SND1: variants seen among roughly 807,000 people sequenced by gnomAD.
SND1 encodes staphylococcal nuclease domain-containing protein 1.
SND1 carries 38 observed loss-of-function variants against 121.7 expected under a neutral mutation model. That is an observed-to-expected ratio of 0.31 (90% CI 0.24 to 0.41). The LOEUF (loss-of-function observed/expected upper bound fraction) is 0.41. Among genes scored for constraint, SND1 ranks in the 10% least tolerant of loss-of-function variants. The probability of loss-of-function intolerance (pLI) is 1.00; values close to 1 mark genes in which losing one functional copy is unlikely to be tolerated. For synonymous variants in SND1, 401 were observed against 447.4 expected, an observed-to-expected ratio of 0.90 and a Z score of 1.31; for missense variants, 868 against 1,184.6, an observed-to-expected ratio of 0.73 and a Z score of 3.92.
intron 14 of SND1, among the ~76,000 whole-genome samples, chr7:127,924,334 G>A (rs1800788717): frequency 2.0e-5 from 3 of 152,130 alleles, no homozygotes; most frequent in African/African-American, 4.8e-5. Context: ...GAACTAATTC[G>A]TGATCTTCAT....
chr7:127,798,061 T>TA (rs1182761652), intron 10 of SND1, among the ~76,000 whole-genome samples: 1 of 152,200 alleles, frequency 6.6e-6, no homozygotes, highest in African/African-American at 2.4e-5. Flanking sequence ...TTTTTTTTCT[T>TA]ACATGATGGT....
At chr7:127,706,218 A>ATT (rs11404711) in intron 8 of SND1, among the ~76,000 whole-genome samples, 36 of 140,162 alleles carry the variant, frequency 2.6e-4, no homozygotes, top group African/African-American at 2.4e-4. Flanking sequence ...AATTAATTTG[A>ATT]TTTTTTTTGC....
chr7:127,922,216 A>G (rs1800734874), intron 14 of SND1, among the ~76,000 whole-genome samples: 2 of 40,320 alleles, frequency 5.0e-5, no homozygotes, highest in African/African-American at 9.2e-5. Context: ...TTTGTGAGGC[A>G]AGATCCCACT....
chr7:127,923,327 TG>T (rs979084179), intron 14 of SND1, among the ~76,000 whole-genome samples: 1 of 152,146 alleles, frequency 6.6e-6, no homozygotes, highest in African/African-American at 2.4e-5. Flanking sequence ...TTTTTTTGTT[TG>T]GGGGTTTGTT....
intron 2 of SND1, 88 bp from the exon 3 acceptor site, chr7:127,694,740 C>T: frequency 6.7e-7 from 1 of 1,500,908 alleles, no homozygotes; most frequent in Non-Finnish European, 9.2e-7. Context: ...GGTACTCAGA[C>T]ATTTACTGAA....
intron 13 of SND1, chr7:127,904,256 A>T (rs898697528): frequency 6.6e-6 from 1 of 152,482 alleles, no homozygotes. Flanking sequence ...CTACTGTTAC[A>T]TGACTTTTCT....
intron 13 of SND1, among the ~76,000 whole-genome samples, chr7:127,894,049 A>G (rs967589701): frequency 3.9e-5 from 6 of 152,094 alleles, no homozygotes; most frequent in Non-Finnish European, 8.8e-5. Context: ...CATTTCTGTC[A>G]CAGACTTTAG....
chr7:128,072,670 C>T (rs543806293), intron 16 of SND1, among the ~76,000 whole-genome samples: 138 of 152,174 alleles, frequency 9.1e-4, no homozygotes, highest in Non-Finnish European at 1.6e-3. Flanking sequence ...TACCACACTA[C>T]CCCCGCCACC....
intron 10 of SND1, among the ~76,000 whole-genome samples, chr7:127,728,595 A>G (rs1260259449): frequency 6.6e-6 from 1 of 152,176 alleles, no homozygotes; most frequent in Non-Finnish European, 1.5e-5. Flanking sequence ...AGCATCGTGC[A>G]CTGTTTATTT....
intron 6 of SND1, 96 bp downstream of exon 6, chr7:127,702,622 C>G: frequency 1.0e-6 from 1 of 961,820 alleles, no homozygotes; most frequent in South Asian, 1.3e-5. Context: ...GCTGTTTCTT[C>G]CTAATGTGGG....
At chr7:128,059,967 G>A (rs1221395055) in intron 16 of SND1, among the ~76,000 whole-genome samples, 1 of 152,202 alleles carries the variant, frequency 6.6e-6, no homozygotes, top group Admixed American at 6.5e-5. Flanking sequence ...ACATGTAAGA[G>A]GTAATGGATT....
chr7:127,880,031 A>C (rs1379692861), intron 12 of SND1, among the ~76,000 whole-genome samples: 2 of 152,206 alleles, frequency 1.3e-5, no homozygotes, highest in Non-Finnish European at 2.9e-5. Flanking sequence ...GAAAATATTA[A>C]ATGGAAAATC....
At chr7:127,736,796 G>C (rs188158584) in intron 10 of SND1, among the ~76,000 whole-genome samples, 26 of 152,274 alleles carry the variant, frequency 1.7e-4, no homozygotes, top group Admixed American at 1.6e-3. Flanking sequence ...CTGAAATAAA[G>C]GGTAGAGTGG....
At chr7:127,774,025 T>C (rs1797568183) in intron 10 of SND1, among the ~76,000 whole-genome samples, 1 of 152,230 alleles carries the variant, frequency 6.6e-6, no homozygotes, top group African/African-American at 2.4e-5. Context: ...CTAGTTTCTG[T>C]ATTTACGATA....
At chr7:127,763,669 G>A (rs766599641) in intron 10 of SND1, among the ~76,000 whole-genome samples, 7 of 151,478 alleles carry the variant, frequency 4.6e-5, no homozygotes, top group Non-Finnish European at 7.4e-5. Context: ...TTTTTTTTAA[G>A]GAAAAACTTA....
chr7:127,862,954 C>T (rs1799406443), intron 12 of SND1, among the ~76,000 whole-genome samples: 1 of 152,218 alleles, frequency 6.6e-6, no homozygotes, highest in South Asian at 2.1e-4. Context: ...TCTTTGAGAA[C>T]ATGTCCCTTG....
At chr7:127,684,646 G>A (rs1047683448) in intron 1 of SND1, among the ~76,000 whole-genome samples, 2 of 152,224 alleles carry the variant, frequency 1.3e-5, no homozygotes, top group Non-Finnish European at 2.9e-5. Context: ...CTGGGATAAT[G>A]CCTAGGACAT....
intron 10 of SND1, among the ~76,000 whole-genome samples, chr7:127,734,325 A>G (rs182406261): frequency 1.3e-3 from 193 of 152,184 alleles, no homozygotes; most frequent in Non-Finnish European, 1.7e-3. Context: ...GGAATAGTAG[A>G]GTTTCTTAGG....
At chr7:127,757,606 G>A (rs937533143) in intron 10 of SND1, among the ~76,000 whole-genome samples, 1 of 152,174 alleles carries the variant, frequency 6.6e-6, no homozygotes, top group Non-Finnish European at 1.5e-5. Context: ...TGGCATCTCA[G>A]TTGGTTTTAA....
Sources: gnomAD v4.1 joint callset for allele counts (sites outside exome capture counted in the v4.1 genomes callset) on GRCh38, gnomAD v4.1.1 for gene constraint, MANE v1.5 for transcripts, NCBI Gene and HGNC (gene_info 2026-07-23, HGNC 2026-07-21) for gene names.